CCDC141: variants seen among roughly 807,000 people sequenced by gnomAD.
CCDC141 encodes coiled-coil domain-containing protein 141.
A neutral mutation model predicts 181.0 loss-of-function variants in CCDC141; 168 were observed. The ratio of observed to expected loss-of-function variants is 0.93; its 90% CI spans 0.82 to 1.05. The LOEUF (loss-of-function observed/expected upper bound fraction) is 1.05. Ranked by LOEUF, CCDC141 falls within the 50% of genes least tolerant of loss-of-function variation. CCDC141 has a pLI of 0.00. For synonymous variants in CCDC141, 666 were observed against 642.3 expected (o/e 1.04, Z -0.56); for missense variants, 1,902 against 1,788.5 (o/e 1.06, Z -1.14).
At chr2:178,822,283 G>A in the CCDC141 span, among the ~76,000 whole-genome samples, 3 of 151,956 alleles carry the variant, frequency 2.0e-5, no homozygotes, top group Non-Finnish European at 4.4e-5. Flanking sequence ...GGGAGGGATA[G>A]CATTAGGAGA....
intron 8 of CCDC141, among the ~76,000 whole-genome samples, chr2:178,901,646 T>C (rs1402506039): frequency 1.3e-5 from 2 of 151,748 alleles, no homozygotes; most frequent in Non-Finnish European, 2.9e-5. Context: ...CCACAGCCAA[T>C]ATCATACTGA....
At chr2:178,855,290 C>A in intron 19 of CCDC141, 57 bp downstream of exon 19, 2 of 1,463,714 alleles carry the variant, frequency 1.4e-6, no homozygotes, top group South Asian at 1.3e-5. Context: ...TTTAAAGTTG[C>A]AAAATGATTT....
intron 4 of CCDC141, among the ~76,000 whole-genome samples, chr2:178,965,076 G>A (rs536156159): frequency 6.0e-4 from 92 of 152,288 alleles, no homozygotes; most frequent in African/African-American, 2.2e-3. Flanking sequence ...TAGGTTTACA[G>A]CTTGTTAAAT....
chr2:178,962,447 C>T (rs1690447518), intron 4 of CCDC141, among the ~76,000 whole-genome samples: 2 of 152,168 alleles, frequency 1.3e-5, no homozygotes, highest in Admixed American at 6.5e-5. Context: ...GTCTACTTCT[C>T]TCTGTCCTCA....
intron 7 of CCDC141, among the ~76,000 whole-genome samples, chr2:178,914,384 T>C (rs1439626097): frequency 1.3e-5 from 2 of 152,206 alleles, no homozygotes; most frequent in African/African-American, 4.8e-5. Context: ...TATGGCTCAC[T>C]CCACTTGAAT....
At chr2:179,032,051 G>A (rs1007007187) in intron 2 of CCDC141, among the ~76,000 whole-genome samples, 1 of 152,076 alleles carries the variant, frequency 6.6e-6, no homozygotes, top group South Asian at 2.1e-4. Context: ...AGGTGAGACT[G>A]CTCTCTCACC....
chr2:179,000,940 T>A (rs868039419), intron 2 of CCDC141, among the ~76,000 whole-genome samples: 12 of 152,152 alleles, frequency 7.9e-5, no homozygotes, highest in Admixed American at 2.0e-4. Flanking sequence ...TTTTATTCCT[T>A]GTGTGTAATG....
At chr2:178,867,953 C>T in intron 16 of CCDC141, 73 bp downstream of exon 16, 1 of 1,227,524 alleles carries the variant, frequency 8.1e-7, no homozygotes, top group South Asian at 1.7e-5. Context: ...AGCAATCTGC[C>T]TGGTTTCTTT....
chr2:178,996,210 T>C (rs925578995), intron 2 of CCDC141, among the ~76,000 whole-genome samples: 1 of 151,830 alleles, frequency 6.6e-6, no homozygotes, highest in African/African-American at 2.4e-5. Context: ...TTGGAGTAGC[T>C]GGGATTACAG....
intron 8 of CCDC141, among the ~76,000 whole-genome samples, chr2:178,903,155 C>A (rs60930189): frequency 1.5e-5 from 2 of 133,744 alleles, no homozygotes; most frequent in African/African-American, 2.7e-5. Context: ...TTACACTGTT[C>A]GTGGGACTGT....
At chr2:178,924,710 G>A (rs552040143) in intron 6 of CCDC141, among the ~76,000 whole-genome samples, 8 of 152,102 alleles carry the variant, frequency 5.3e-5, no homozygotes, top group Non-Finnish European at 8.8e-5. Flanking sequence ...GTGTCTACAC[G>A]CCATTTAAAC....
intron 6 of CCDC141, among the ~76,000 whole-genome samples, chr2:178,920,119 C>T (rs1688619313): frequency 6.6e-6 from 1 of 152,170 alleles, no homozygotes; most frequent in Admixed American, 6.5e-5. Context: ...TCTAACATGA[C>T]TGTCTTGTTA....
chr2:179,039,986 C>A (rs996196320), intron 2 of CCDC141, among the ~76,000 whole-genome samples: 2 of 151,910 alleles, frequency 1.3e-5, no homozygotes, highest in Admixed American at 1.3e-4. Flanking sequence ...TTAGGTATAT[C>A]TAGATGATAA....
rs962288197 is a variant in CCDC141, at chr2:178,983,709, G to A, written c.226-5034C>T. On this transcript the variant is annotated intron_variant, in intron 2 of 23. Transcript: ENST00000443758. The stretch of plus-strand genomic sequence containing the variant: ...CCGATGCGATCAACTGGAAGAAAGG[G>A]TATCAGCAATGGAAGATGAAATCAA... Among the ~76,000 whole-genome samples the A allele has an allele frequency of 8.0e-4, 122 of 151,684 alleles. 1 individual carries two copies. Among genetic ancestry groups the A allele is most frequent in the African/African-American group, 2.9e-3 (118 of 41,294 alleles).
intron 2 of CCDC141, among the ~76,000 whole-genome samples, chr2:178,981,070 G>A (rs1285932756): frequency 6.6e-6 from 1 of 152,154 alleles, no homozygotes; most frequent in Non-Finnish European, 1.5e-5. Flanking sequence ...AAATGGGTAT[G>A]AGCCTAACAA....
At chr2:178,865,347 A>T (rs1457766972) in intron 17 of CCDC141, among the ~76,000 whole-genome samples, 1 of 152,116 alleles carries the variant, frequency 6.6e-6, no homozygotes, top group Non-Finnish European at 1.5e-5. Context: ...CCTTAAATAG[A>T]ATTTCAGCAG....
At chr2:179,025,223 CA>C (rs770540386) in intron 2 of CCDC141, among the ~76,000 whole-genome samples, 37 of 152,108 alleles carry the variant, frequency 2.4e-4, no homozygotes, top group Admixed American at 1.6e-3. Context: ...AGGTAATCAG[CA>C]TAGTGCCTGA....
chr2:178,879,596 T>G (rs990541054), intron 11 of CCDC141, among the ~76,000 whole-genome samples: 20 of 152,140 alleles, frequency 1.3e-4, no homozygotes, highest in African/African-American at 4.6e-4. Flanking sequence ...TTAACTATTT[T>G]GGGGGGTACT....
At chr2:179,002,425 C>T (rs775012713) in intron 2 of CCDC141, 16 of 367,832 alleles carry the variant, frequency 4.3e-5, no homozygotes, top group Non-Finnish European at 8.0e-5. Flanking sequence ...CCTGGACTGA[C>T]TGACACCATG....
Sources: allele counts gnomAD v4.1 joint callset (sites outside exome capture counted in the v4.1 genomes callset), GRCh38; gene constraint gnomAD v4.1.1; transcripts MANE v1.5; gene names NCBI Gene and HGNC (gene_info 2026-07-23, HGNC 2026-07-21).